SOX5: variants seen among roughly 807,000 people sequenced by gnomAD.
SOX5 encodes transcription factor SOX-5.
Under a neutral mutation model 92.0 loss-of-function variants are expected in SOX5, and 9 were observed. The ratio of observed to expected loss-of-function variants is 0.10; its 90% confidence interval spans 0.06 to 0.17. The LOEUF (loss-of-function observed/expected upper bound fraction) is 0.17. Among genes scored for constraint, SOX5 ranks in the 10% least tolerant of loss-of-function variants. SOX5 has a pLI of 1.00. For synonymous variants in SOX5, 344 were observed against 336.3 expected (o/e 1.02, Z -0.25); for missense variants, 642 against 944.5 (o/e 0.68, Z 4.20).
chr12:23,561,258 G>C (rs1592081532), intron 11 of SOX5, among the ~76,000 whole-genome samples: 1 of 152,184 alleles, frequency 6.6e-6, no homozygotes, highest in Non-Finnish European at 1.5e-5. Flanking sequence ...TGCAACCCAA[G>C]TAGGAGGTGC....
At chr12:24,370,200 C>G (rs999073522) in intron 1 of SOX5, among the ~76,000 whole-genome samples, 1 of 152,086 alleles carries the variant, frequency 6.6e-6, no homozygotes, top group Non-Finnish European at 1.5e-5. Context: ...TTTGGCCGTG[C>G]GCGGTGGCTC....
chr12:24,121,885 CAAAAA>C (rs900951883), intron 4 of SOX5, among the ~76,000 whole-genome samples: 4 of 48,260 alleles, frequency 8.3e-5, no homozygotes, highest in Non-Finnish European at 1.1e-4. Context: ...GACTCTATCT[CAAAAA>C]AAAAAAAAAA....
chr12:24,358,617 A>G (rs1419710663), intron 2 of SOX5, among the ~76,000 whole-genome samples: 1 of 151,914 alleles, frequency 6.6e-6, no homozygotes, highest in Non-Finnish European at 1.5e-5. Flanking sequence ...ATCTCAAAAA[A>G]AAAAAAAATT....
At chr12:24,482,391 T>G (rs531731524) in intron 1 of SOX5, among the ~76,000 whole-genome samples, 1 of 152,306 alleles carries the variant, frequency 6.6e-6, no homozygotes, top group East Asian at 1.9e-4. Context: ...AAGAACAATT[T>G]TACTCATAGA....
At chr12:24,533,779 T>A (rs886602704) in intron 1 of SOX5, among the ~76,000 whole-genome samples, 2 of 152,158 alleles carry the variant, frequency 1.3e-5, no homozygotes, top group Non-Finnish European at 2.9e-5. Flanking sequence ...TAACAGAATA[T>A]GATGACAATA....
At chr12:24,037,848 C>A (rs7980399) in intron 4 of SOX5, among the ~76,000 whole-genome samples, 2,490 of 152,240 alleles carry the variant, frequency 0.016, 63 homozygotes, top group South Asian at 0.06. Flanking sequence ...ACTTAACTTG[C>A]ACTACATGCT....
chr12:24,546,714 A>G (rs997768561), intron 1 of SOX5, among the ~76,000 whole-genome samples: 1 of 152,210 alleles, frequency 6.6e-6, no homozygotes, highest in South Asian at 2.1e-4. Context: ...TGTTGGCAGA[A>G]AATCTAAGAA....
chr12:23,578,146 A>AAAAAAAAAAAAAC (rs1565984217), intron 9 of SOX5, among the ~76,000 whole-genome samples: 2 of 137,320 alleles, frequency 1.5e-5, no homozygotes, highest in African/African-American at 2.6e-5. Context: ...AAAAAAAAAA[A>AAAAAAAAAAAAAC]AAAACTATAG....
intron 9 of SOX5, among the ~76,000 whole-genome samples, chr12:23,598,387 C>CTTTTTTTTTTTT (rs201719026): frequency 3.2e-5 from 3 of 95,128 alleles, no homozygotes; most frequent in African/African-American, 4.4e-5. Flanking sequence ...TGTGCTTTAT[C>CTTTTTTTTTTTT]TTTTTTTTTT....
intron 8 of SOX5, among the ~76,000 whole-genome samples, chr12:23,619,360 C>A (rs2076923647): frequency 6.6e-6 from 1 of 152,138 alleles, no homozygotes; most frequent in Admixed American, 6.6e-5. Flanking sequence ...ACCTTCTCAA[C>A]AACCTTAGGG....
intron 3 of SOX5, among the ~76,000 whole-genome samples, chr12:23,842,502 A>G (rs1317622217): frequency 6.6e-6 from 1 of 152,200 alleles, no homozygotes; most frequent in African/African-American, 2.4e-5. Context: ...ACGATACGTC[A>G]GAAGCAAGGG....
Position 23,551,491 on chromosome 12 carries a change from CTA to C in SOX5, c.1489-5069_1489-5068del, listed in dbSNP as rs148904817. 4.0e-3 allele frequency among the ~76,000 whole-genome samples: 605 copies of C among 151,924 alleles called. 23 individuals carry two copies. In the East Asian group the frequency reaches 0.081, roughly 20 times the overall value. ...AAGTTATGTATAAATGATATATAAA[CTA>C]TATGTGTGTGCACACACATACACAC... On this transcript the variant is annotated intron_variant, in intron 11 of 14. Transcript: ENST00000451604.
At chr12:24,259,505 G>T (rs1317050985) in intron 3 of SOX5, among the ~76,000 whole-genome samples, 3 of 152,116 alleles carry the variant, frequency 2.0e-5, no homozygotes, top group Admixed American at 1.3e-4. Context: ...TAAGTAAAAG[G>T]CATTTTCAAA....
intron 11 of SOX5, among the ~76,000 whole-genome samples, chr12:23,556,603 A>C (rs1945217760): frequency 1.3e-5 from 2 of 152,236 alleles, no homozygotes; most frequent in African/African-American, 2.4e-5. Flanking sequence ...TTTACCTAAC[A>C]TGCCTACTTC....
Position 23,749,647 on chromosome 12 carries a change from T to A in SOX5, c.568+5991A>T, listed in dbSNP as rs556094670. 4.6e-5 allele frequency among the ~76,000 whole-genome samples: 7 copies of A among 152,018 alleles called. No homozygotes were observed. The South Asian group carries it at 8.3e-4, about 18-fold the overall frequency. On this transcript the variant is annotated intron_variant, in intron 4 of 14. Transcript: ENST00000451604. ...GAAAGGGTTATTCTTGTTACCTTTT[T>A]AAAAAAGTATTGCTCTATAAAACAT...
intron 1 of SOX5, among the ~76,000 whole-genome samples, chr12:24,474,855 TGA>T (rs1253295217): frequency 6.6e-6 from 1 of 151,216 alleles, no homozygotes; most frequent in Non-Finnish European, 1.5e-5. Flanking sequence ...AAATTCTTAG[TGA>T]GAGTTTTTTT....
chr12:24,065,418 G>A (rs1049349594), intron 4 of SOX5, among the ~76,000 whole-genome samples: 1 of 152,156 alleles, frequency 6.6e-6, no homozygotes, highest in Non-Finnish European at 1.5e-5. Flanking sequence ...GGAGGCCAAG[G>A]TGGGTGGATC....
chr12:24,014,385 C>A (rs984298026), intron 4 of SOX5, among the ~76,000 whole-genome samples: 1 of 152,170 alleles, frequency 6.6e-6, no homozygotes, highest in Non-Finnish European at 1.5e-5. Context: ...AGCCAACCTG[C>A]CTAAAGAAGC....
intron 4 of SOX5, among the ~76,000 whole-genome samples, chr12:24,113,197 A>G (rs1947577857): frequency 6.7e-6 from 1 of 150,028 alleles, no homozygotes; most frequent in East Asian, 1.9e-4. Context: ...AATGCTCAGC[A>G]TGTCTACCCT....
Sources: allele counts gnomAD v4.1 joint callset (sites outside exome capture counted in the v4.1 genomes callset), GRCh38; gene constraint gnomAD v4.1.1; transcripts MANE v1.5; gene names NCBI Gene and HGNC (gene_info 2026-07-23, HGNC 2026-07-21).